Variants in FZD6 observed in about 807,000 individuals in gnomAD.
FZD6 encodes frizzled-6.
A neutral mutation model predicts 61.4 loss-of-function variants in FZD6; 49 were observed. The ratio of observed to expected loss-of-function variants is 0.80; its 90% CI spans 0.63 to 1.01. The LOEUF is 1.01. FZD6 is among the 50% of genes least tolerant of loss of function. The pLI is 0.00. For missense variants in FZD6, 724 were observed against 848.2 expected (o/e 0.85, Z 1.82); for synonymous variants, 265 against 292.2 (o/e 0.91, Z 0.95).
intron 2 of FZD6, among the ~76,000 whole-genome samples, chr8:103,317,423 G>T (rs904935635): frequency 6.6e-6 from 1 of 152,188 alleles, no homozygotes; most frequent in Non-Finnish European, 1.5e-5. Context: ...AAAATTGACT[G>T]TAAGATTAGC....
chr8:103,318,752 G>A lies in FZD6; in HGVS notation c.340G>A (p.Gly114Arg). Reference protein sequence around the residue: ...SDCKKLIDTFGIRWPEELECD... With the variant: ...SDCKKLIDTFRIRWPEELECD... ...TTGCAAAAAATTAATTGACACTTTT[G>A]GGATCCGATGGCCTGAGGAGCTTGA... Residue 114 changes from glycine to arginine, a missense_variant, in exon 3 of 7, where the codon GGG becomes AGG. Coordinates refer to ENST00000358755, the MANE Select transcript of FZD6 (RefSeq NM_003506.4). The A allele has an allele frequency of 6.2e-7, 1 of 1,610,064 alleles. No individual in the cohort carries two copies.
chr8:103,331,257 C>T, intron 6 of FZD6, 84 bp from the exon 7 acceptor site: 2 of 899,546 alleles, frequency 2.2e-6, no homozygotes, highest in Middle Eastern at 2.4e-4. Flanking sequence ...AAGGTGGACA[C>T]TGGTTAGGGG....
At position 103,325,470 on chromosome 8, in the gene FZD6, G is replaced by A. The variant is rs551894404; in HGVS notation, c.1364G>A (p.Arg455His). ...WEITWVSDHCRQYHIPCPYQA... is the reference protein window; with the variant it reads ...WEITWVSDHCHQYHIPCPYQA... ...ATAACTTGGGTCTCTGATCATTGTCGTCAGTACCATATCCCATGTCCTTAT... is the reference window on the plus strand; with the variant it reads ...ATAACTTGGGTCTCTGATCATTGTCATCAGTACCATATCCCATGTCCTTAT... Residue 455 changes from arginine to histidine, a missense_variant, in exon 4 of 7, where the codon CGT becomes CAT. Transcript: ENST00000358755. The A allele has an allele frequency of 6.2e-6, 10 of 1,612,920 alleles. No individual in the cohort carries two copies. The highest frequency in any genetic ancestry group is 4.5e-5 in the East Asian group (2 of 44,892).
chr8:103,299,973 A>G lies in FZD6; in HGVS notation c.-135A>G. On this transcript the variant is annotated 5_prime_UTR_variant, in exon 2 of 7. Transcript: ENST00000358755. ...TTTTACAGTAATTGACCCAGGACTC[A>G]TTTTCAGGAAAGCCTGAAAATGAGT... is the stretch of plus-strand genomic sequence containing the variant. 1.5e-6 allele frequency: 1 copy of G among 680,828 alleles called. No homozygotes were observed. The highest frequency in any genetic ancestry group is 2.7e-6 in the Non-Finnish European group (1 of 375,238). The allele number at this position is 680,828 out of a possible 1,614,324, so 42.2% of individuals were successfully genotyped here. A position where few individuals can be genotyped will look rare whatever the true frequency, so the allele number is the denominator to read the frequency against.
chr8:103,304,466 C>T (rs1417960405), intron 2 of FZD6, among the ~76,000 whole-genome samples: 4 of 152,112 alleles, frequency 2.6e-5, no homozygotes, highest in Admixed American at 2.6e-4. Context: ...TCACAAGCTG[C>T]CCAGGTGTTT....
At chr8:103,330,492 G>A (rs1228000660) in intron 6 of FZD6, among the ~76,000 whole-genome samples, 1 of 151,992 alleles carries the variant, frequency 6.6e-6, no homozygotes, top group Non-Finnish European at 1.5e-5. Context: ...TTTCTCAAAT[G>A]GCCATAGGTG....
In FZD6 at chr8:103,300,293, T is replaced by G; in HGVS notation, c.177+9T>G. 1.3e-6 allele frequency: 2 copies of G among 1,563,794 alleles called. No homozygotes were observed. Among genetic ancestry groups the G allele is most frequent in the Non-Finnish European group, 1.8e-6 (2 of 1,133,960 alleles). ...CCGCGGTGGAAATGGAGGTGAGTAG[T>G]GCTTCATACGTTTATTGAATAGTAG... On this transcript the variant is annotated intron_variant, in intron 2 of 6. Transcript: ENST00000358755.
intron 6 of FZD6, among the ~76,000 whole-genome samples, 154 bp from the exon 7 acceptor site, chr8:103,331,187 A>AAT (rs1554623675): frequency 4.0e-5 from 6 of 151,746 alleles, no homozygotes; most frequent in Non-Finnish European, 7.4e-5. Context: ...TCAAAAAAAA[A>AAT]ATTTGTATTT....
intron 2 of FZD6, among the ~76,000 whole-genome samples, 180 bp from the exon 3 acceptor site, chr8:103,318,410 A>G (rs1202690544): frequency 6.6e-6 from 1 of 152,236 alleles, no homozygotes; most frequent in Non-Finnish European, 1.5e-5. Flanking sequence ...TGAAAAATAT[A>G]TGATTGAATA....
At chr8:103,308,295 G>A (rs1370461318) in intron 2 of FZD6, among the ~76,000 whole-genome samples, 1 of 152,062 alleles carries the variant, frequency 6.6e-6, no homozygotes, top group African/African-American at 2.4e-5. Flanking sequence ...GAGATTATAG[G>A]CCCATTTTGG....
chr8:103,305,944 A>G (rs542697424), intron 2 of FZD6, among the ~76,000 whole-genome samples: 1 of 152,380 alleles, frequency 6.6e-6, no homozygotes, highest in Non-Finnish European at 1.5e-5. Context: ...GTAAATAATG[A>G]AGCTTTATTA....
At chr8:103,314,094 T>C (rs1021077790) in intron 2 of FZD6, among the ~76,000 whole-genome samples, 6 of 152,194 alleles carry the variant, frequency 3.9e-5, no homozygotes, top group Non-Finnish European at 8.8e-5. Flanking sequence ...TCAACATTAT[T>C]GGATTAGCCA....
intron 2 of FZD6, 148 bp downstream of exon 2, chr8:103,300,432 C>T (rs1213752698): frequency 2.8e-6 from 2 of 705,790 alleles, no homozygotes; most frequent in African/African-American, 3.5e-5. Context: ...AAATTAAATC[C>T]CTCTACTGAC....
At position 103,324,536 on chromosome 8, in the gene FZD6, C is replaced by T; in HGVS notation, c.430C>T (p.Leu144Phe). ...AACTTTTGATCCACACACAGAATTT[C>T]TTGGTCCTCAGAAGAAAACAGAACA... ...PVTFDPHTEF[L>F]GPQKKTEQVQ... is the part of the protein sequence containing the mutation. The change falls in exon 4 of 7, where the codon CTT (leucine) becomes TTT (phenylalanine). Residue 144 changes from leucine to phenylalanine, a missense_variant. Coordinates refer to ENST00000358755, the MANE Select transcript of FZD6 (RefSeq NM_003506.4). The T allele has an allele frequency of 6.2e-7, 1 of 1,611,830 alleles. No individual in the cohort carries two copies.
chr8:103,317,271 A>G (rs1814650575), intron 2 of FZD6, among the ~76,000 whole-genome samples: 1 of 152,258 alleles, frequency 6.6e-6, no homozygotes, highest in Non-Finnish European at 1.5e-5. Context: ...TAAGAGACAA[A>G]GTGGTCAGAA....
At chr8:103,316,342 T>G (rs1021968012) in intron 2 of FZD6, among the ~76,000 whole-genome samples, 3 of 152,214 alleles carry the variant, frequency 2.0e-5, no homozygotes, top group Admixed American at 6.5e-5. Flanking sequence ...CTTGGAGACC[T>G]TTCTTCTTCA....
At chr8:103,307,673 T>G (rs182570687) in intron 2 of FZD6, 26 of 438,814 alleles carry the variant, frequency 5.9e-5, no homozygotes, top group Non-Finnish European at 8.1e-5. Flanking sequence ...CTCTTAATTC[T>G]TTTAACTCTG....
In FZD6 at chr8:103,324,921, C is replaced by T; in HGVS notation, c.815C>T (p.Thr272Ile). 1.9e-6 allele frequency: 3 copies of T among 1,613,972 alleles called. No individual in the cohort carries two copies. In the South Asian group the frequency reaches 3.3e-5, roughly 18 times the overall value. Residue 272 changes from threonine to isoleucine, a missense_variant, in exon 4 of 7, where the codon ACT becomes ATT. Coordinates refer to ENST00000358755, the MANE Select transcript of FZD6 (RefSeq NM_003506.4). ...GATGAGAAGCTAGAACTTGGTGACA[C>T]TGTTGTCCTAGGCTCTCAAAATAAG... The part of the protein sequence containing the change: ...KADEKLELGD[T>I]VVLGSQNKAC...
intron 4 of FZD6, among the ~76,000 whole-genome samples, chr8:103,326,802 A>T (rs1327548900): frequency 6.6e-6 from 1 of 152,004 alleles, no homozygotes; most frequent in Non-Finnish European, 1.5e-5. Context: ...ATTTATAAAG[A>T]GTTGCTACAG....
Sources: allele counts gnomAD v4.1 joint callset (sites outside exome capture counted in the v4.1 genomes callset), GRCh38; gene constraint gnomAD v4.1.1; transcripts MANE v1.5; gene names NCBI Gene and HGNC (gene_info 2026-07-23, HGNC 2026-07-21).